The following DSE variants were observed in gnomAD, a reference collection of about 807,000 sequenced individuals.
The protein encoded by DSE is dermatan-sulfate epimerase.
Under a neutral mutation model 84.4 loss-of-function variants are expected in DSE, and 36 were observed. The observed-to-expected ratio is 0.43, with a 90% CI of 0.33 to 0.56. The LOEUF (loss-of-function observed/expected upper bound fraction) is 0.56. Among genes scored for constraint, DSE ranks in the 20% least tolerant of loss-of-function variants. The probability of loss-of-function intolerance (pLI) is 0.06; values close to 1 mark genes in which losing one functional copy is unlikely to be tolerated. For missense variants in DSE, 862 were observed against 1,169.6 expected, an observed-to-expected ratio of 0.74 and a Z score of 3.84; for synonymous variants, 410 against 430.1, an observed-to-expected ratio of 0.95 and a Z score of 0.58.
intron 2 of DSE, among the ~76,000 whole-genome samples, chr6:116,340,605 C>T (rs1777534185): frequency 6.6e-6 from 1 of 152,078 alleles, no homozygotes; most frequent in Non-Finnish European, 1.5e-5. Flanking sequence ...TTGTCATTTA[C>T]ATTAGGCATT....
chr6:116,361,852 G>A (rs958606807), intron 2 of DSE, among the ~76,000 whole-genome samples: 1 of 152,110 alleles, frequency 6.6e-6, no homozygotes, highest in African/African-American at 2.4e-5. Flanking sequence ...AATGCATTAT[G>A]TCATCAACTG....
chr6:116,280,715 A>G (rs1462525296), intron 2 of DSE, among the ~76,000 whole-genome samples: 1 of 152,192 alleles, frequency 6.6e-6, no homozygotes, highest in African/African-American at 2.4e-5. Context: ...GAAGTGTTCC[A>G]GTTTGTTGAC....
chr6:116,392,977 A>G (rs1467416216), intron 1 of DSE, among the ~76,000 whole-genome samples: 1 of 152,166 alleles, frequency 6.6e-6, no homozygotes, highest in Non-Finnish European at 1.5e-5. Context: ...ACTGAGGTTA[A>G]CCTATCCGCC....
chr6:116,349,726 G>T (rs1382049815), intron 2 of DSE, among the ~76,000 whole-genome samples: 1 of 152,152 alleles, frequency 6.6e-6, no homozygotes, highest in Non-Finnish European at 1.5e-5. Flanking sequence ...TAAAACCTCT[G>T]TCCTTACTGA....
chr6:116,336,887 T>C (rs1777286859), intron 2 of DSE, among the ~76,000 whole-genome samples: 1 of 152,202 alleles, frequency 6.6e-6, no homozygotes, highest in African/African-American at 2.4e-5. Flanking sequence ...AAATTCAGCT[T>C]TCAAGAATCA....
At chr6:116,344,955 A>G (rs527454694) in intron 2 of DSE, among the ~76,000 whole-genome samples, 1 of 152,340 alleles carries the variant, frequency 6.6e-6, no homozygotes, top group Non-Finnish European at 1.5e-5. Flanking sequence ...GGAAGACAGA[A>G]AAGCAGGGTT....
In DSE at chr6:116,290,522, G is replaced by T. The variant is rs1582952773; in HGVS notation, c.-54+31555G>T. On this transcript the variant is annotated intron_variant, in intron 2 of 3. Coordinates refer to the DSE transcript ENST00000430252. ...AATTAACAGTATTTCTAGATTCTCA[G>T]ACTTGGGGTTCAGAGATTTCACTTG... is the stretch of plus-strand genomic sequence containing the variant. 4.6e-5 allele frequency among the ~76,000 whole-genome samples: 7 copies of T among 152,210 alleles called. 3 individuals carry two copies. Among genetic ancestry groups the T allele is most frequent in the Admixed American group, 4.6e-4 (7 of 15,280 alleles).
intron 2 of DSE, among the ~76,000 whole-genome samples, chr6:116,331,602 C>T (rs4596521): frequency 0.98 from 148,895 of 152,264 alleles, 72,902 homozygotes; most frequent in East Asian, 1. Flanking sequence ...TCAATAGTTA[C>T]CAACATTTCT....
chr6:116,405,775 G>A (rs1781882469), intron 2 of DSE, among the ~76,000 whole-genome samples: 1 of 152,186 alleles, frequency 6.6e-6, no homozygotes. Flanking sequence ...TCAAGGTCAG[G>A]TGCCCTGTGG....
At chr6:116,322,721 C>G (rs959433170) in intron 2 of DSE, among the ~76,000 whole-genome samples, 2 of 152,060 alleles carry the variant, frequency 1.3e-5, no homozygotes, top group Non-Finnish European at 2.9e-5. Flanking sequence ...AAATGCAAAC[C>G]TGTGATTGAA....
chr6:116,286,206 G>A (rs1296417081), intron 2 of DSE, among the ~76,000 whole-genome samples: 1 of 152,102 alleles, frequency 6.6e-6, no homozygotes, highest in East Asian at 1.9e-4. Flanking sequence ...TTGAGCAGTG[G>A]TTTGTAGTTC....
intron 2 of DSE, among the ~76,000 whole-genome samples, chr6:116,294,830 C>G (rs1474679244): frequency 6.6e-6 from 1 of 152,094 alleles, no homozygotes; most frequent in Non-Finnish European, 1.5e-5. Context: ...TCCTCTCACC[C>G]CATCTTTATT....
rs1784501855 is a variant in DSE at position 116,443,908 on chromosome 6, C to T, written c.*6563C>T. On this transcript the variant is annotated 3_prime_UTR_variant, in exon 6 of 6. Transcript: ENST00000644252. Reference sequence around the variant, plus strand: ...GAAGTACCTTTCTGTGTAAAGCAAACATCTTGTCAGTTTTCCTTACTTTGT... The same window carrying T: ...GAAGTACCTTTCTGTGTAAAGCAAATATCTTGTCAGTTTTCCTTACTTTGT... 1 of 152,186 alleles carries T rather than the reference C, an allele frequency of 6.6e-6. No individual in the cohort carries two copies. The allele number at this position is 152,186 out of a possible 1,614,324, so 9.4% of individuals were successfully genotyped here.
chr6:116,411,765 A>C (rs929444311), intron 2 of DSE, among the ~76,000 whole-genome samples: 9 of 152,246 alleles, frequency 5.9e-5, no homozygotes, highest in Non-Finnish European at 1.0e-4. Context: ...TGATATGAGA[A>C]ATATTTTAAA....
rs769479490 is a variant in DSE, at chr6:116,436,003, A to T, written c.1535A>T (p.Lys512Ile). The T allele has an allele frequency of 6.2e-7, 1 of 1,614,114 alleles. No homozygotes were observed. Among genetic ancestry groups the T allele is most frequent in the East Asian group, 2.2e-5 (1 of 44,878 alleles). The change falls in exon 6 of 6, where the codon AAA (lysine) becomes ATA (isoleucine). Residue 512 changes from lysine to isoleucine, a missense_variant. Lys to Ile is a moderately radical substitution (Grantham distance 102). Coordinates refer to ENST00000644252, the MANE Select transcript of DSE (RefSeq NM_013352.4). The part of the protein sequence containing the change: ...VTEDCSSKWS[K>I]YKHDLAASCQ... The stretch of plus-strand genomic sequence containing the variant: ...GAAGACTGCTCATCAAAATGGTCTA[A>T]ATACAAGCATGACCTGGCAGCTAGT...
chr6:116,296,172 T>A lies in DSE; in HGVS notation c.-54+37205T>A, dbSNP rs1562211034. 2.0e-5 allele frequency among the ~76,000 whole-genome samples: 3 copies of A among 152,166 alleles called. No homozygotes were observed. The East Asian group carries it at 5.8e-4, about 29-fold the overall frequency. On this transcript the variant is annotated intron_variant, in intron 2 of 3. Transcript: ENST00000430252. Reference sequence around the variant, plus strand: ...GTCCTTGATAGAAAATGATGTAGTATTTGTGTATAACCTACACACATCCTA... The same window carrying A: ...GTCCTTGATAGAAAATGATGTAGTAATTGTGTATAACCTACACACATCCTA...
chr6:116,296,864 CTGTT>C (rs1296608541), intron 2 of DSE, among the ~76,000 whole-genome samples: 2 of 152,078 alleles, frequency 1.3e-5, no homozygotes, highest in African/African-American at 2.4e-5. Flanking sequence ...GAGTGAGAAT[CTGTT>C]TGAATTTTTG....
intron 2 of DSE, among the ~76,000 whole-genome samples, chr6:116,315,881 T>A (rs1199930387): frequency 6.6e-6 from 1 of 152,104 alleles, no homozygotes; most frequent in African/African-American, 2.4e-5. Flanking sequence ...TCCCAGCTAC[T>A]CAGGAAGCTG....
intron 1 of DSE, among the ~76,000 whole-genome samples, chr6:116,391,137 G>C (rs980399669): frequency 6.6e-6 from 1 of 152,148 alleles, no homozygotes; most frequent in African/African-American, 2.4e-5. Flanking sequence ...ATCATCACTG[G>C]TATAACAAAG....
Sources: allele counts gnomAD v4.1 joint callset (sites outside exome capture counted in the v4.1 genomes callset), GRCh38; gene constraint gnomAD v4.1.1; transcripts MANE v1.5; gene names NCBI Gene and HGNC (gene_info 2026-07-23, HGNC 2026-07-21).